Variants in PES1 observed in about 807,000 individuals in gnomAD.
PES1 encodes pescadillo homolog.
Under a neutral mutation model 77.1 loss-of-function variants are expected in PES1, and 31 were observed. The observed-to-expected ratio is 0.40, with a 90% confidence interval of 0.30 to 0.54. PES1 has a LOEUF of 0.54. Among genes scored for constraint, PES1 ranks in the 20% least tolerant of loss-of-function variants. The pLI is 0.45. For synonymous variants in PES1, 282 were observed against 303.0 expected (o/e 0.93, Z 0.72); for missense variants, 658 against 771.7 (o/e 0.85, Z 1.75).
intron 9 of PES1, 29 bp from the exon 10 acceptor site, chr22:30,580,730 C>A (rs375914441): frequency 6.2e-7 from 1 of 1,611,494 alleles, no homozygotes; most frequent in East Asian, 2.2e-5. Context: ...GGCCTCGCAC[C>A]ACCAGGGCTG....
At chr22:30,580,501 G>A (rs1185088921) in intron 10 of PES1, 70 bp downstream of exon 10, 33 of 1,572,914 alleles carry the variant, frequency 2.1e-5, no homozygotes, top group Non-Finnish European at 2.7e-5. Context: ...TTACCGATGG[G>A]CACCAGGGCA....
intron 11 of PES1, 35 bp downstream of exon 11, chr22:30,580,018 C>G: frequency 6.2e-7 from 1 of 1,611,956 alleles, no homozygotes; most frequent in Non-Finnish European, 8.5e-7. Context: ...AGACAGGATA[C>G]CCAGAAATCC....
At chr22:30,582,807 C>G (rs2146464934) in intron 6 of PES1, among the ~76,000 whole-genome samples, 1 of 152,336 alleles carries the variant, frequency 6.6e-6, no homozygotes. Flanking sequence ...ACAGGCACAT[C>G]TGGGGACCAA....
At chr22:30,590,881 C>T (rs1271567909) in intron 1 of PES1, among the ~76,000 whole-genome samples, 4 of 152,184 alleles carry the variant, frequency 2.6e-5, no homozygotes, top group Non-Finnish European at 5.9e-5. Flanking sequence ...ACATCTGCAA[C>T]TCAAGGGCAG....
intron 2 of PES1, among the ~76,000 whole-genome samples, chr22:30,599,325 G>T (rs1466592856): frequency 6.6e-6 from 1 of 152,068 alleles, no homozygotes. Context: ...ATGTGTCTCT[G>T]CTAGATACTT....
chr22:30,597,279 C>G (rs1399768438), intron 2 of PES1, among the ~76,000 whole-genome samples: 1 of 151,934 alleles, frequency 6.6e-6, no homozygotes, highest in Non-Finnish European at 1.5e-5. Flanking sequence ...GCAGGCAGCT[C>G]CACCTGTCCT....
At chr22:30,597,882 G>GT (rs767127817) in intron 2 of PES1, among the ~76,000 whole-genome samples, 1,906 of 38,834 alleles carry the variant, frequency 0.049, 42 homozygotes, top group African/African-American at 0.11. Context: ...TTGAAGTTTT[G>GT]TTTTTTTTTT....
At chr22:30,579,052 C>T in intron 13 of PES1, 54 bp from the exon 14 acceptor site, 2 of 1,603,384 alleles carry the variant, frequency 1.2e-6, no homozygotes, top group Non-Finnish European at 1.7e-6. Context: ...CCTCCACAGT[C>T]CTCTGGCTCC....
chr22:30,592,247 G>A (rs2087193596), upstream of PES1: 10 of 1,010,188 alleles, frequency 9.9e-6, no homozygotes, highest in Non-Finnish European at 1.1e-5. Context: ...ACTCCATGGT[G>A]CGCGATAGGA....
chr22:30,589,391 G>C (rs2087144854), intron 1 of PES1, 121 bp from the exon 2 acceptor site: 2 of 808,442 alleles, frequency 2.5e-6, no homozygotes, highest in African/African-American at 1.7e-5. Flanking sequence ...ATGAGTCTAG[G>C]AGAGGAAACA....
At chr22:30,590,185 A>G (rs4820018) in intron 1 of PES1, among the ~76,000 whole-genome samples, 126,485 of 152,208 alleles carry the variant, frequency 0.83, 52,779 homozygotes, top group Middle Eastern at 0.9. Context: ...ATTGTCTTGT[A>G]TAACCATCTG....
Position 30,579,045 on chromosome 22 carries a change from C to T in PES1, c.1522-47G>A, listed in dbSNP as rs373288274. The stretch of plus-strand genomic sequence containing the variant: ...TTATGGGGGCAGGTTCTCCCGACCT[C>T]CACAGTCCTCTGGCTCCTGACCTTC... On this transcript the variant is annotated intron_variant, in intron 13 of 14. Coordinates refer to ENST00000354694, the MANE Select transcript of PES1 (RefSeq NM_014303.4). 2.0e-5 allele frequency: 32 copies of T among 1,603,844 alleles called. No individual in the cohort carries two copies. In the African/African-American group the frequency reaches 4.1e-4, roughly 21 times the overall value.
At chr22:30,597,150 C>A (rs987760023) in intron 2 of PES1, among the ~76,000 whole-genome samples, 3 of 152,158 alleles carry the variant, frequency 2.0e-5, no homozygotes, top group African/African-American at 7.2e-5. Flanking sequence ...CTCCTCCCTG[C>A]CGCTGTGGGC....
chr22:30,602,911 T>TTGTGTGTG (rs61098443), intron 2 of PES1, among the ~76,000 whole-genome samples: 60 of 150,904 alleles, frequency 4.0e-4, no homozygotes, highest in East Asian at 1.2e-3. Context: ...TGAAAGCAAT[T>TTGTGTGTG]TGTGTGTGTG....
At chr22:30,581,254 C>G in intron 8 of PES1, 80 bp downstream of exon 8, 1 of 1,513,830 alleles carries the variant, frequency 6.6e-7, no homozygotes, top group East Asian at 2.3e-5. Context: ...CACCCCCACT[C>G]TGAACCAGAC....
upstream of PES1, chr22:30,592,264 TGTCAAGGTAACGGTTGCTAAGCGTC>T: frequency 1.0e-6 from 1 of 1,001,752 alleles, no homozygotes; most frequent in Non-Finnish European, 1.2e-6. Flanking sequence ...AGGATTGCGT[TGTCAAGGTAACGGTTGCTAAGCGTC>T]GTCAGACTTC....
At chr22:30,589,103 G>A (rs1327646717) in intron 2 of PES1, 88 bp downstream of exon 2, 31 of 919,956 alleles carry the variant, frequency 3.4e-5, no homozygotes, top group Non-Finnish European at 5.2e-5. Context: ...CCCAGAATGG[G>A]TATGGCAACT....
intron 2 of PES1, among the ~76,000 whole-genome samples, chr22:30,598,540 T>C (rs1174908092): frequency 6.6e-6 from 1 of 152,218 alleles, no homozygotes; most frequent in Non-Finnish European, 1.5e-5. Context: ...GTGATTCTCG[T>C]GCCTCAGGTT....
intron 2 of PES1, among the ~76,000 whole-genome samples, chr22:30,604,398 T>G (rs2087404879): frequency 6.6e-6 from 1 of 152,164 alleles, no homozygotes; most frequent in Non-Finnish European, 1.5e-5. Flanking sequence ...TTCGGGAGGC[T>G]GAGGCAGGCA....
Sources: allele counts gnomAD v4.1 joint callset (sites outside exome capture counted in the v4.1 genomes callset), GRCh38; gene constraint gnomAD v4.1.1; transcripts MANE v1.5; gene names NCBI Gene and HGNC (gene_info 2026-07-23, HGNC 2026-07-21).